The following RCC1 variants were observed in gnomAD, a reference collection of about 807,000 sequenced individuals.
The protein encoded by RCC1 is regulator of chromosome condensation.
In RCC1, 11 loss-of-function variants were observed where a neutral mutation model predicts 44.4. The observed-to-expected ratio is 0.25, with a 90% CI of 0.16 to 0.41. The LOEUF is 0.41. Ranked by LOEUF, RCC1 falls within the 10% of genes least tolerant of loss-of-function variation. The pLI is 1.00. For synonymous variants in RCC1, 213 were observed against 216.5 expected (o/e 0.98, Z 0.14); for missense variants, 386 against 547.1 (o/e 0.71, Z 2.94).
intron 3 of RCC1, among the ~76,000 whole-genome samples, chr1:28,516,041 G>A (rs1024994113): frequency 5.3e-5 from 8 of 151,908 alleles, no homozygotes; most frequent in African/African-American, 1.7e-4. Context: ...AAATTAGCTG[G>A]GCATGGTGGC....
At chr1:28,511,125 C>T (rs1016976445) in intron 3 of RCC1, among the ~76,000 whole-genome samples, 3 of 152,112 alleles carry the variant, frequency 2.0e-5, no homozygotes, top group African/African-American at 7.2e-5. Context: ...GTATTGGTTG[C>T]CTATCTTAGG....
At chr1:28,520,976 G>A (rs970765900) in intron 4 of RCC1, among the ~76,000 whole-genome samples, 4 of 152,060 alleles carry the variant, frequency 2.6e-5, no homozygotes, top group African/African-American at 7.2e-5. Flanking sequence ...GCACTAGGGA[G>A]GCTGAGGCGG....
chr1:28,509,438 C>T (rs1452413193), intron 3 of RCC1: 1 of 156,802 alleles, frequency 6.4e-6, no homozygotes, highest in Non-Finnish European at 1.4e-5. Flanking sequence ...GATGAGGTTT[C>T]ACCATATTGG....
At position 28,520,594 on chromosome 1, in the gene RCC1, G is replaced by A. The variant is rs75134281; in HGVS notation, c.-10+3727G>A. Among the ~76,000 whole-genome samples the A allele has an allele frequency of 5.1e-3, 776 of 152,238 alleles. 5 individuals carry two copies. Among genetic ancestry groups the A allele is most frequent in the African/African-American group, 0.017 (725 of 41,538 alleles). On this transcript the variant is annotated intron_variant, in intron 4 of 12. Coordinates refer to ENST00000683442, the MANE Select transcript of RCC1 (RefSeq NM_001381865.2). ...TCTGCTCACCTCAAAGGGCAGCTGTGGGCATTCAGGAGTGCCTGATGGTGG... is the reference window on the plus strand; with the variant it reads ...TCTGCTCACCTCAAAGGGCAGCTGTAGGCATTCAGGAGTGCCTGATGGTGG...
intron 7 of RCC1, among the ~76,000 whole-genome samples, chr1:28,534,469 C>G (rs1248206024): frequency 1.3e-5 from 2 of 152,180 alleles, no homozygotes; most frequent in African/African-American, 4.8e-5. Context: ...CATGAGCCAC[C>G]GCGCCCGGCC....
intron 1 of RCC1, chr1:28,506,359 AT>A (rs1380477096): frequency 2.5e-6 from 1 of 393,642 alleles, no homozygotes; most frequent in African/African-American, 2.2e-5. Flanking sequence ...CAATTTTTGT[AT>A]TCTTAGTGGA....
In RCC1 at chr1:28,519,564, G is replaced by A. The variant is rs1291213384; in HGVS notation, c.-10+2697G>A. On this transcript the variant is annotated intron_variant, in intron 4 of 12. Transcript: ENST00000683442. ...GCAATGGTAGGGGGCATGTGGTGAG[G>A]ATATAATTTTTTTTTTTTTGAGACG... 1.6e-4 allele frequency among the ~76,000 whole-genome samples: 24 copies of A among 151,050 alleles called. 1 individual carries two copies. The Admixed American group carries it at 1.6e-3, about 10-fold the overall frequency.
chr1:28,530,457 A>T, intron 5 of RCC1: 1 of 1,461,388 alleles, frequency 6.8e-7, no homozygotes, highest in Admixed American at 1.9e-5. Context: ...GGGAGGAGAG[A>T]AAAGCCAGCA....
chr1:28,538,110 C>A lies in RCC1; in HGVS notation c.*103C>A. 9.7e-7 allele frequency: 1 copy of A among 1,032,468 alleles called. No homozygotes were observed. Among genetic ancestry groups the A allele is most frequent in the Non-Finnish European group, 1.4e-6 (1 of 715,052 alleles). The allele number at this position is 1,032,468 out of a possible 1,614,324, so 64.0% of individuals were successfully genotyped here. A position where few individuals can be genotyped will look rare whatever the true frequency, so the allele number is the denominator to read the frequency against. ...CAGCGGGCCTCTCCCCAGCCCTGAGCACTGTGTCAGTTCCTGCCTTTTCTC... is the reference window on the plus strand; with the variant it reads ...CAGCGGGCCTCTCCCCAGCCCTGAGAACTGTGTCAGTTCCTGCCTTTTCTC... On this transcript the variant is annotated 3_prime_UTR_variant, in exon 13 of 13. Transcript: ENST00000683442.
chr1:28,506,410 C>T (rs891070216), intron 1 of RCC1: 1 of 344,586 alleles, frequency 2.9e-6, no homozygotes, highest in Non-Finnish European at 5.7e-6. Flanking sequence ...GTTTTGAACT[C>T]CTGATTTCCG....
chr1:28,529,037 ATTTTTT>A (rs779736390), intron 4 of RCC1, among the ~76,000 whole-genome samples: 1 of 101,892 alleles, frequency 9.8e-6, no homozygotes, highest in Non-Finnish European at 2.1e-5. Context: ...TAATTTTTGT[ATTTTTT>A]TTTTTTTTTT....
At chr1:28,527,011 C>T (rs867071528) in intron 4 of RCC1, 11 of 828,690 alleles carry the variant, frequency 1.3e-5, no homozygotes, top group East Asian at 2.4e-5. Flanking sequence ...CGGCTGTACC[C>T]TTAAAATAGG....
At chr1:28,529,567 T>C (rs760908443) in intron 4 of RCC1, among the ~76,000 whole-genome samples, 2 of 152,112 alleles carry the variant, frequency 1.3e-5, no homozygotes, top group African/African-American at 4.8e-5. Context: ...ACATCACTTT[T>C]GATGGCTTCA....
intron 7 of RCC1, among the ~76,000 whole-genome samples, chr1:28,533,470 CAAA>C (rs201704268): frequency 1.1e-4 from 12 of 107,384 alleles, no homozygotes; most frequent in Non-Finnish European, 2.1e-4. Flanking sequence ...GACTCCATCT[CAAA>C]AAAAAAAAAA....
In RCC1 at chr1:28,532,368, A is replaced by G; in HGVS notation, c.441+18A>G. The G allele has an allele frequency of 1.2e-6, 2 of 1,613,174 alleles. No individual in the cohort carries two copies. The highest frequency in any genetic ancestry group is 1.7e-6 in the Non-Finnish European group (2 of 1,179,538). On this transcript the variant is annotated intron_variant, in intron 7 of 12. Coordinates refer to ENST00000683442, the MANE Select transcript of RCC1 (RefSeq NM_001381865.2). Reference sequence around the variant, plus strand: ...CCTTCCGGGTAAGGCTGGGTCTGAAAGTCTGCATGGTCCCTGAAAGACAGA... The same window carrying G: ...CCTTCCGGGTAAGGCTGGGTCTGAAGGTCTGCATGGTCCCTGAAAGACAGA...
intron 4 of RCC1, among the ~76,000 whole-genome samples, chr1:28,528,253 C>A (rs891088581): frequency 6.6e-6 from 1 of 151,730 alleles, no homozygotes; most frequent in Non-Finnish European, 1.5e-5. Context: ...ATCAGGAGTT[C>A]GAGACCAGCC....
At chr1:28,537,746 C>G in intron 12 of RCC1, 86 bp from the exon 13 acceptor site, 2 of 1,401,868 alleles carry the variant, frequency 1.4e-6, no homozygotes, top group Non-Finnish European at 1.9e-6. Flanking sequence ...AGGCCACAGT[C>G]CACGCCCATG....
Position 28,508,736 on chromosome 1 carries a change from G to T in RCC1, c.-228-94G>T, listed in dbSNP as rs755881623. The T allele has an allele frequency of 5.8e-6, 3 of 517,466 alleles. No individual in the cohort carries two copies. In the East Asian group the frequency reaches 1.6e-4, roughly 28 times the overall value. The allele number at this position is 517,466 out of a possible 1,614,324, so 32.1% of individuals were successfully genotyped here. A position where few individuals can be genotyped will look rare whatever the true frequency, so the allele number is the denominator to read the frequency against. On this transcript the variant is annotated intron_variant, in intron 2 of 12. Transcript: ENST00000683442. ...CCCAGAGTCCTGTGGACAATGACTG[G>T]GGAGACAAACCATGCAGGAAACATA...
In RCC1 at chr1:28,536,384, A is replaced by G. The variant is rs1164117571; in HGVS notation, c.937+3A>G. On this transcript the variant is annotated splice_donor_region_variant and intron_variant, in intron 11 of 12. Transcript: ENST00000683442. This position sits in a 1 kb window ranked among gnomAD's most constrained non-coding sequence, Gnocchi z 4.9. Reference sequence around the variant, plus strand: ...TACAGTCTGCATGGATTCGGAAGGTAGGGCCTTTACGTCCTTCTCTAGTTT... The same window carrying G: ...TACAGTCTGCATGGATTCGGAAGGTGGGGCCTTTACGTCCTTCTCTAGTTT... The G allele has an allele frequency of 6.2e-7, 1 of 1,613,206 alleles. No homozygotes were observed. Among genetic ancestry groups the G allele is most frequent in the African/African-American group, 1.3e-5 (1 of 75,026 alleles).
Sources: gnomAD v4.1 joint callset for allele counts (sites outside exome capture counted in the v4.1 genomes callset) on GRCh38, gnomAD v4.1.1 for gene constraint, Gnocchi (gnomAD v3.1) non-coding constraint, MANE v1.5 for transcripts, NCBI Gene and HGNC (gene_info 2026-07-23, HGNC 2026-07-21) for gene names.